The following STK31 variants were observed in gnomAD, a reference collection of about 807,000 sequenced individuals.
The protein encoded by STK31 is serine/threonine kinase 31.
STK31 carries 89 observed loss-of-function variants against 129.7 expected under a neutral mutation model. That is an observed-to-expected ratio of 0.69 (90% CI 0.58 to 0.82). The LOEUF (loss-of-function observed/expected upper bound fraction) is 0.82, where lower values mean the gene tolerates loss of function less well. STK31 is among the 40% of genes least tolerant of loss of function. The probability of loss-of-function intolerance (pLI) is 0.00; values close to 1 mark genes in which losing one functional copy is unlikely to be tolerated. For synonymous variants in STK31, 448 were observed against 395.3 expected (o/e 1.13, Z -1.58); for missense variants, 1,187 against 1,176.4 (o/e 1.01, Z -0.13).
At chr7:23,775,974 A>G (rs1362729753) in intron 15 of STK31, among the ~76,000 whole-genome samples, 2 of 152,146 alleles carry the variant, frequency 1.3e-5, no homozygotes, top group Non-Finnish European at 2.9e-5. Flanking sequence ...TTTGTCATAA[A>G]TGGCTCTTAA....
intron 23 of STK31, among the ~76,000 whole-genome samples, chr7:23,818,690 T>G (rs1390322306): frequency 6.6e-6 from 1 of 150,624 alleles, no homozygotes; most frequent in Non-Finnish European, 1.5e-5. Context: ...AGTGGCACGA[T>G]CTCAGCTCAC....
chr7:23,787,949 C>G (rs1308329548), intron 20 of STK31, 31 bp from the exon 21 acceptor site: 1 of 1,478,198 alleles, frequency 6.8e-7, no homozygotes, highest in African/African-American at 1.4e-5. Context: ...TTGCCTACTT[C>G]CTCACTTCTT....
rs1001544688 is a variant in STK31, at chr7:23,788,002, G to A, written c.2510G>A (p.Gly837Asp). Residue 837 changes from glycine (G) to aspartate (D), a missense_variant, in exon 21 of 24, where the codon GGT becomes GAT. Around this residue, in one of 5 missense-constraint regions of STK31, gnomAD observed 975 missense variants for 934.9 expected, o/e 1.04. Coordinates refer to ENST00000355870, the MANE Select transcript of STK31 (RefSeq NM_031414.5). Reference sequence around the variant, plus strand: ...TAGGAAACTTTAAAGGTCATGAAAGGTGTTGCCCAGGGTCTGCATACATTG... The same window carrying A: ...TAGGAAACTTTAAAGGTCATGAAAGATGTTGCCCAGGGTCTGCATACATTG... Reference protein sequence around the residue: ...NSEETLKVMKGVAQGLHTLHK... With the variant: ...NSEETLKVMKDVAQGLHTLHK... 2 of 1,580,354 alleles carry A rather than the reference G, an allele frequency of 1.3e-6. No homozygotes were observed. The highest frequency in any genetic ancestry group is 2.4e-5 in the South Asian group (2 of 84,618).
chr7:23,786,431 T>TA, intron 18 of STK31, 77 bp from the exon 19 acceptor site: 2 of 1,331,906 alleles, frequency 1.5e-6, no homozygotes, highest in Admixed American at 5.3e-5. Flanking sequence ...TAATGAATTA[T>TA]GTTTAAATTG....
At chr7:23,789,300 C>G (rs2128113277) in intron 21 of STK31, among the ~76,000 whole-genome samples, 1 of 152,140 alleles carries the variant, frequency 6.6e-6, no homozygotes, top group Middle Eastern at 3.4e-3. Flanking sequence ...GTTTTCATTT[C>G]TCTTGGGAGT....
intron 22 of STK31, among the ~76,000 whole-genome samples, chr7:23,803,480 A>G (rs1302881781): frequency 1.3e-5 from 2 of 152,184 alleles, no homozygotes; most frequent in Non-Finnish European, 2.9e-5. Flanking sequence ...TTCTTATGAG[A>G]TCCAGATTAA....
intron 16 of STK31, among the ~76,000 whole-genome samples, chr7:23,781,829 T>G (rs1790946538): frequency 6.6e-6 from 1 of 152,240 alleles, no homozygotes; most frequent in Non-Finnish European, 1.5e-5. Context: ...AGTATTTTTT[T>G]GTTTGTTTTT....
chr7:23,822,993 T>A (rs1378530369), intron 23 of STK31, among the ~76,000 whole-genome samples: 2 of 152,256 alleles, frequency 1.3e-5, no homozygotes, highest in African/African-American at 2.4e-5. Context: ...ATCCAGCCTA[T>A]CATTGTTGGA....
chr7:23,832,449 A>G lies in STK31; in HGVS notation c.*83A>G, dbSNP rs1290342647. Reference sequence around the variant, plus strand: ...CAGAAATATCTAGAAATGTTCTGGGACTAGTTGAGTTGTATCTTTAGTATT... The same window carrying G: ...CAGAAATATCTAGAAATGTTCTGGGGCTAGTTGAGTTGTATCTTTAGTATT... On this transcript the variant is annotated 3_prime_UTR_variant, in exon 24 of 24. Coordinates refer to ENST00000355870, the MANE Select transcript of STK31 (RefSeq NM_031414.5). The G allele has an allele frequency of 1.1e-5, 11 of 989,890 alleles. No individual in the cohort carries two copies. Among genetic ancestry groups the G allele is most frequent in the Non-Finnish European group, 1.7e-5 (11 of 657,700 alleles). 61.3% of individuals were successfully genotyped at this position (989,890 alleles called of 1,614,324 possible).
At chr7:23,801,238 T>G (rs1792349566) in intron 22 of STK31, among the ~76,000 whole-genome samples, 1 of 152,234 alleles carries the variant, frequency 6.6e-6, no homozygotes, top group Non-Finnish European at 1.5e-5. Context: ...ATCTTCTATT[T>G]TAGCCATTCT....
intron 8 of STK31, among the ~76,000 whole-genome samples, chr7:23,749,463 C>T (rs1788554487): frequency 6.6e-6 from 1 of 150,826 alleles, no homozygotes; most frequent in South Asian, 2.1e-4. Flanking sequence ...CCACCTCAGC[C>T]TCCTGAGTAA....
chr7:23,818,628 A>C (rs969094963), intron 23 of STK31, among the ~76,000 whole-genome samples: 1 of 149,972 alleles, frequency 6.7e-6, no homozygotes. Flanking sequence ...TTAAAAAAAA[A>C]AACAACAAAA....
rs559105325 is a variant in STK31 at position 23,779,352 on chromosome 7, C to T, written c.1966-2067C>T. On this transcript the variant is annotated intron_variant, in intron 15 of 23. Coordinates refer to ENST00000355870, the MANE Select transcript of STK31 (RefSeq NM_031414.5). ...CTTGAGGAGGCAGTCTGTCCCTTAGCAGAGCTCGAGCACTGTGCTGGGAGA... is the reference window on the plus strand; with the variant it reads ...CTTGAGGAGGCAGTCTGTCCCTTAGTAGAGCTCGAGCACTGTGCTGGGAGA... 4.6e-5 allele frequency among the ~76,000 whole-genome samples: 7 copies of T among 152,306 alleles called. No homozygotes were observed. The East Asian group carries it at 1.4e-3, about 29-fold the overall frequency.
chr7:23,776,575 A>G (rs1790558680), intron 15 of STK31, among the ~76,000 whole-genome samples: 2 of 152,198 alleles, frequency 1.3e-5, no homozygotes, highest in Non-Finnish European at 2.9e-5. Context: ...GTATGTGTCC[A>G]GGAATTTTTC....
intron 15 of STK31, among the ~76,000 whole-genome samples, chr7:23,776,421 G>T (rs1045456382): frequency 6.6e-6 from 1 of 152,088 alleles, no homozygotes; most frequent in East Asian, 1.9e-4. Context: ...GCTCTTCTTT[G>T]TACCTCTGGT....
chr7:23,786,711 C>G, intron 19 of STK31, 78 bp downstream of exon 19: 1 of 1,560,242 alleles, frequency 6.4e-7, no homozygotes, highest in South Asian at 1.2e-5. Context: ...AATTTTAGCT[C>G]CAGGTTTTAG....
chr7:23,728,725 C>T (rs1485379793), intron 5 of STK31, among the ~76,000 whole-genome samples: 1 of 151,860 alleles, frequency 6.6e-6, no homozygotes, highest in African/African-American at 2.4e-5. Flanking sequence ...TTATTCTTTC[C>T]AACTTGAAAT....
intron 22 of STK31, among the ~76,000 whole-genome samples, chr7:23,799,978 GA>G (rs1034619771): frequency 1.1e-4 from 17 of 152,146 alleles, no homozygotes; most frequent in African/African-American, 3.9e-4. Flanking sequence ...ACAAGCATAT[GA>G]AAAAAGCTCA....
At chr7:23,778,919 G>T (rs6966250) in intron 15 of STK31, among the ~76,000 whole-genome samples, 31,734 of 151,878 alleles carry the variant, frequency 0.21, 3,573 homozygotes, top group African/African-American at 0.28. Flanking sequence ...AGATGTTCTG[G>T]TTTTTGAAAT....
Sources: allele counts gnomAD v4.1 joint callset (sites outside exome capture counted in the v4.1 genomes callset), GRCh38; gene constraint gnomAD v4.1.1; regional missense constraint gnomAD v4.1.1; transcripts MANE v1.5; gene names NCBI Gene and HGNC (gene_info 2026-07-23, HGNC 2026-07-21).